SLC44A1: variants seen among roughly 807,000 people sequenced by gnomAD.
SLC44A1 encodes choline transporter-like protein 1.
A neutral mutation model predicts 79.3 loss-of-function variants in SLC44A1; 26 were observed. The ratio of observed to expected loss-of-function variants is 0.33; its 90% confidence interval spans 0.24 to 0.46. SLC44A1 has a LOEUF of 0.46. SLC44A1 is among the 20% of genes least tolerant of loss of function. The pLI, the probability that SLC44A1 is intolerant of heterozygous loss-of-function variation, is 1.00. For missense variants in SLC44A1, 688 were observed against 798.1 expected (o/e 0.86, Z 1.66); for synonymous variants, 263 against 286.2 (o/e 0.92, Z 0.82).
At chr9:105,414,307 G>A (rs541139879) in intron 15 of SLC44A1, among the ~76,000 whole-genome samples, 17 of 151,962 alleles carry the variant, frequency 1.1e-4, no homozygotes, top group African/African-American at 3.4e-4. Context: ...CGCCCGCCTC[G>A]GCCTCCCAAA....
At chr9:105,386,172 A>T (rs1273570241) in intron 15 of SLC44A1, 12 of 982,062 alleles carry the variant, frequency 1.2e-5, no homozygotes, top group Non-Finnish European at 3.6e-6. Context: ...GTACACAAAT[A>T]TATCTCTCTA....
intron 15 of SLC44A1, among the ~76,000 whole-genome samples, chr9:105,435,103 T>C (rs1829446900): frequency 6.6e-6 from 1 of 150,942 alleles, no homozygotes; most frequent in Middle Eastern, 3.4e-3. Flanking sequence ...GCTGTTATCA[T>C]GCAACTGCAC....
At chr9:105,266,299 T>C (rs148279978) in intron 1 of SLC44A1, among the ~76,000 whole-genome samples, 133 of 152,256 alleles carry the variant, frequency 8.7e-4, no homozygotes, top group Non-Finnish European at 1.5e-3. Flanking sequence ...GGTTTTGTGG[T>C]ATAAGTGAGT....
intron 15 of SLC44A1, among the ~76,000 whole-genome samples, chr9:105,387,162 A>G (rs929240088): frequency 6.7e-6 from 1 of 149,664 alleles, no homozygotes; most frequent in African/African-American, 2.5e-5. Context: ...TATTCAAACT[A>G]ATCGCATATT....
At position 105,389,012 on chromosome 9, in the gene SLC44A1, CT is replaced by C. The variant is rs749625949; in HGVS notation, c.1951-20del. ...AATGGTAATTGTCTAAGATTATACT[CT>C]GTATGACTTTGTTTTCTAGGCTTCG... On this transcript the variant is annotated intron_variant, in intron 15 of 15. Coordinates refer to ENST00000374720, the MANE Select transcript of SLC44A1 (RefSeq NM_080546.5). 1 of 1,595,672 alleles carries C rather than the reference CT, an allele frequency of 6.3e-7. No individual in the cohort carries two copies. The highest frequency in any genetic ancestry group is 1.3e-5 in the African/African-American group (1 of 74,704).
At position 105,393,018 on chromosome 9, in the gene SLC44A1, CCA is replaced by C. The variant is rs923117305; in HGVS notation, c.*3965_*3966del. 7.1e-6 allele frequency: 7 copies of C among 985,000 alleles called. No homozygotes were observed. Among genetic ancestry groups the C allele is most frequent in the Non-Finnish European group, 8.4e-6 (7 of 829,554 alleles). The allele number at this position is 985,000 out of a possible 1,614,324, so 61.0% of individuals were successfully genotyped here. On this transcript the variant is annotated 3_prime_UTR_variant, in exon 16 of 16. Transcript: ENST00000374720. ...GTCTGGAGGCTTATCAGTGCACCTG[CCA>C]CAGTTAATTTCTGTATTCTTTTCAT...
chr9:105,277,128 G>A (rs969445214), intron 1 of SLC44A1, among the ~76,000 whole-genome samples: 1 of 152,212 alleles, frequency 6.6e-6, no homozygotes, highest in Non-Finnish European at 1.5e-5. Context: ...CTGATGAACT[G>A]GATAGATGCT....
intron 15 of SLC44A1, among the ~76,000 whole-genome samples, chr9:105,407,367 C>T (rs938171783): frequency 6.6e-6 from 1 of 152,176 alleles, no homozygotes; most frequent in African/African-American, 2.4e-5. Context: ...GATCCACACT[C>T]AAACAGATTA....
At chr9:105,408,294 C>A (rs900700320) in intron 15 of SLC44A1, among the ~76,000 whole-genome samples, 1 of 152,142 alleles carries the variant, frequency 6.6e-6, no homozygotes, top group Non-Finnish European at 1.5e-5. Context: ...AATGAAAGAA[C>A]ACAAGTAACT....
intron 4 of SLC44A1, among the ~76,000 whole-genome samples, chr9:105,343,411 A>G (rs956589569): frequency 6.6e-6 from 1 of 152,202 alleles, no homozygotes; most frequent in Admixed American, 6.5e-5. Context: ...GTGAATACTA[A>G]TAAGTCTTTT....
At position 105,250,272 on chromosome 9, in the gene SLC44A1, C is replaced by G. The variant is rs375047629; in HGVS notation, c.36+5368C>G. On this transcript the variant is annotated intron_variant, in intron 1 of 15. Transcript: ENST00000374720. ...ATTTCACACCACCATTTTGAACTTT[C>G]TACAGTTGCCATCTGGAGAGTAGCA... Among the ~76,000 whole-genome samples, 6 of 152,142 alleles carry G rather than the reference C, an allele frequency of 3.9e-5. No homozygotes were observed. In the East Asian group the frequency reaches 1.2e-3, roughly 29 times the overall value.
intron 15 of SLC44A1, among the ~76,000 whole-genome samples, chr9:105,429,158 A>G (rs986671608): frequency 1.3e-5 from 2 of 152,262 alleles, no homozygotes; most frequent in African/African-American, 4.8e-5. Context: ...ACTCACAGGT[A>G]AGTGATACGC....
intron 1 of SLC44A1, among the ~76,000 whole-genome samples, chr9:105,250,964 T>C (rs1411808401): frequency 6.6e-6 from 1 of 152,116 alleles, no homozygotes; most frequent in Non-Finnish European, 1.5e-5. Flanking sequence ...TTTTAAAAGT[T>C]CCCCTGGTAG....
At chr9:105,266,168 A>G (rs1485513857) in intron 1 of SLC44A1, among the ~76,000 whole-genome samples, 2 of 152,014 alleles carry the variant, frequency 1.3e-5, no homozygotes, top group South Asian at 4.2e-4. Flanking sequence ...GGGTCTCACT[A>G]TGTGCCCAGG....
At chr9:105,313,946 TAG>T (rs1588767769) in intron 3 of SLC44A1, among the ~76,000 whole-genome samples, 1 of 152,008 alleles carries the variant, frequency 6.6e-6, no homozygotes, top group Non-Finnish European at 1.5e-5. Flanking sequence ...GTATTTTTAG[TAG>T]AGACTGGGTT....
At chr9:105,284,257 G>T in intron 1 of SLC44A1, among the ~76,000 whole-genome samples, 1 of 147,606 alleles carries the variant, frequency 6.8e-6, no homozygotes, top group African/African-American at 2.5e-5. Flanking sequence ...TAAGAGATAG[G>T]GTCTCACTTT....
At chr9:105,307,702 C>T (rs1831070510) in intron 2 of SLC44A1, among the ~76,000 whole-genome samples, 1 of 151,934 alleles carries the variant, frequency 6.6e-6, no homozygotes, top group Admixed American at 6.6e-5. Context: ...AATACTTAAC[C>T]TCCTTTTCCA....
At chr9:105,300,007 T>A in intron 2 of SLC44A1, 2 of 898,482 alleles carry the variant, frequency 2.2e-6, no homozygotes, top group Non-Finnish European at 2.7e-6. Context: ...CAGACTTCAG[T>A]GGCATTAGAG....
At chr9:105,258,457 A>C (rs1041209512) in intron 1 of SLC44A1, among the ~76,000 whole-genome samples, 5 of 152,316 alleles carry the variant, frequency 3.3e-5, no homozygotes, top group Admixed American at 3.3e-4. Flanking sequence ...GGTGGGTCCC[A>C]GTTAGCCTCA....
Sources: gnomAD v4.1 joint callset for allele counts (sites outside exome capture counted in the v4.1 genomes callset) on GRCh38, gnomAD v4.1.1 for gene constraint, MANE v1.5 for transcripts, NCBI Gene and HGNC (gene_info 2026-07-23, HGNC 2026-07-21) for gene names.